The following NRXN1 variants were observed in gnomAD, a reference collection of about 807,000 sequenced individuals.
The protein encoded by NRXN1 is neurexin-1.
In NRXN1, 39 loss-of-function variants were observed where a neutral mutation model predicts 150.9. The ratio of observed to expected loss-of-function variants is 0.26; its 90% confidence interval spans 0.20 to 0.34. The LOEUF (loss-of-function observed/expected upper bound fraction) is 0.34, where lower values mean the gene tolerates loss of function less well. Ranked by LOEUF, NRXN1 falls within the 10% of genes least tolerant of loss-of-function variation. NRXN1 has a pLI of 1.00. For synonymous variants in NRXN1, 924 were observed against 757.0 expected (o/e 1.22, Z -3.62); for missense variants, 1,815 against 1,949.9 (o/e 0.93, Z 1.30).
rs375021809 is a variant in NRXN1 at position 50,628,850 on chromosome 2, GC to G, written c.833-5236del. 2.8e-4 allele frequency among the ~76,000 whole-genome samples: 42 copies of G among 151,486 alleles called. No homozygotes were observed. In the South Asian group the frequency reaches 8.3e-3, roughly 30 times the overall value. ...AACAAAAAACAAAAACGCAACACAAGCCAATGGGAAAAAAATGATAAAGTAG... is the reference window on the plus strand; with the variant it reads ...AACAAAAAACAAAAACGCAACACAAGCAATGGGAAAAAAATGATAAAGTAG... On this transcript the variant is annotated intron_variant, in intron 5 of 22. Transcript: ENST00000401669.
At chr2:50,592,333 C>G (rs1357810056) in intron 8 of NRXN1, among the ~76,000 whole-genome samples, 1 of 152,194 alleles carries the variant, frequency 6.6e-6, no homozygotes, top group Non-Finnish European at 1.5e-5. Context: ...ATCTAAACAG[C>G]CTGAGTAATA....
At chr2:50,911,948 A>G (rs1684583830) in intron 5 of NRXN1, among the ~76,000 whole-genome samples, 1 of 151,766 alleles carries the variant, frequency 6.6e-6, no homozygotes, top group African/African-American at 2.4e-5. Flanking sequence ...ATCTAATAGA[A>G]TAACTACATT....
intron 2 of NRXN1, among the ~76,000 whole-genome samples, chr2:50,964,663 A>T (rs192733910): frequency 1.6e-4 from 24 of 151,532 alleles, no homozygotes; most frequent in Non-Finnish European, 3.3e-4. Context: ...GAATTTGACA[A>T]CTTTTCATTT....
At chr2:50,394,411 G>T (rs1023244575) in intron 17 of NRXN1, among the ~76,000 whole-genome samples, 2 of 152,028 alleles carry the variant, frequency 1.3e-5, no homozygotes, top group Non-Finnish European at 2.9e-5. Context: ...CAAGTCTTCC[G>T]CTAATAACAC....
At chr2:50,305,503 T>A (rs2074534731) in intron 17 of NRXN1, among the ~76,000 whole-genome samples, 1 of 152,164 alleles carries the variant, frequency 6.6e-6, no homozygotes, top group African/African-American at 2.4e-5. Context: ...AAAAATTTTA[T>A]TTGTTAAATT....
intron 18 of NRXN1, among the ~76,000 whole-genome samples, chr2:50,168,025 T>C (rs1219875433): frequency 4.1e-5 from 6 of 146,894 alleles, no homozygotes; most frequent in African/African-American, 5.0e-5. Context: ...TTTGCATTTT[T>C]CCAAAGGTTT....
At chr2:50,419,844 A>G (rs1461667907) in intron 17 of NRXN1, among the ~76,000 whole-genome samples, 3 of 152,022 alleles carry the variant, frequency 2.0e-5, no homozygotes, top group South Asian at 2.1e-4. Flanking sequence ...AAATAGACAC[A>G]CTTCTTTTTG....
intron 5 of NRXN1, among the ~76,000 whole-genome samples, chr2:50,780,306 A>G (rs1559251106): frequency 6.6e-6 from 1 of 152,102 alleles, no homozygotes; most frequent in Non-Finnish European, 1.5e-5. Flanking sequence ...TTGCTTTGTA[A>G]TGTGGTTTTT....
At chr2:50,490,631 A>C (rs934310625) in intron 15 of NRXN1, among the ~76,000 whole-genome samples, 18 of 152,188 alleles carry the variant, frequency 1.2e-4, no homozygotes, top group Non-Finnish European at 4.4e-5. Flanking sequence ...AGACAGAAGA[A>C]GCCAAGATTG....
chr2:49,942,730 C>A (rs1672217766), intron 22 of NRXN1, among the ~76,000 whole-genome samples: 1 of 152,040 alleles, frequency 6.6e-6, no homozygotes. Flanking sequence ...CTGCCTCAGC[C>A]TCCTGAGTAG....
chr2:50,552,837 G>C lies in NRXN1; in HGVS notation c.1509C>G (p.Ser503=). 6.2e-7 allele frequency: 1 copy of C among 1,613,936 alleles called. No individual in the cohort carries two copies. The highest frequency in any genetic ancestry group is 8.5e-7 in the Non-Finnish European group (1 of 1,179,858). ...LPKWNAKKTG[S]ISFDFRTTEP... The stretch of plus-strand genomic sequence containing the variant: ...CTGTTGTACGGAAATCAAATGATAT[G>C]GAGCCAGTTTTCTTTGCATTCCATT... The change falls in exon 9 of 23, where the codon TCC becomes TCG. Residue 503 remains serine, a synonymous_variant. Coordinates refer to ENST00000401669, the MANE Select transcript of NRXN1 (RefSeq NM_001330078.2).
chr2:50,359,434 C>A (rs7567839), intron 17 of NRXN1, among the ~76,000 whole-genome samples: 39,911 of 150,936 alleles, frequency 0.26, 5,648 homozygotes, highest in East Asian at 0.54. Context: ...GGAGCTGAAA[C>A]ACAGAGCACG....
At chr2:50,835,931 T>C (rs1001305735) in intron 5 of NRXN1, among the ~76,000 whole-genome samples, 1 of 152,274 alleles carries the variant, frequency 6.6e-6, no homozygotes, top group East Asian at 1.9e-4. Context: ...TATCAAATCT[T>C]TCTGCATTAA....
chr2:50,758,514 C>T (rs1329979759), intron 5 of NRXN1, among the ~76,000 whole-genome samples: 1 of 151,848 alleles, frequency 6.6e-6, no homozygotes, highest in African/African-American at 2.4e-5. Flanking sequence ...CGCTGTGTTA[C>T]GCAGGCTGGA....
chr2:49,975,087 T>C (rs937657844), intron 21 of NRXN1, among the ~76,000 whole-genome samples: 5 of 150,514 alleles, frequency 3.3e-5, no homozygotes, highest in African/African-American at 1.2e-4. Flanking sequence ...GATGATTATA[T>C]ATAGTTATAT....
rs576303034 is a variant in NRXN1 at position 50,510,333 on chromosome 2, A to G, written c.2375-3716T>C. Among the ~76,000 whole-genome samples the G allele has an allele frequency of 1.4e-3, 209 of 152,002 alleles. 3 individuals are homozygous for G. The highest frequency in any genetic ancestry group is 4.8e-3 in the African/African-American group (197 of 41,472). ...AAACCCTCTCTCTACTAAAAATACA[A>G]AAAATAGCTGGGTGTAGTGGCAGGA... On this transcript the variant is annotated intron_variant, in intron 12 of 22. Transcript: ENST00000401669.
chr2:50,948,445 C>T (rs962660564), intron 2 of NRXN1, among the ~76,000 whole-genome samples: 1 of 152,050 alleles, frequency 6.6e-6, no homozygotes, highest in Non-Finnish European at 1.5e-5. Context: ...TTAAAATATA[C>T]TGTGCAAGGA....
chr2:50,545,185 G>A (rs1229252654), intron 9 of NRXN1, among the ~76,000 whole-genome samples: 1 of 152,022 alleles, frequency 6.6e-6, no homozygotes, highest in Admixed American at 6.6e-5. Context: ...GCCTGAACGT[G>A]TTCACCAAAA....
At chr2:50,429,841 G>A (rs1023449550) in intron 17 of NRXN1, among the ~76,000 whole-genome samples, 3 of 152,174 alleles carry the variant, frequency 2.0e-5, no homozygotes, top group African/African-American at 2.4e-5. Flanking sequence ...AGAGAAGCAC[G>A]GTGATCAGAT....
Sources: allele counts gnomAD v4.1 joint callset (sites outside exome capture counted in the v4.1 genomes callset), GRCh38; gene constraint gnomAD v4.1.1; transcripts MANE v1.5; gene names NCBI Gene and HGNC (gene_info 2026-07-23, HGNC 2026-07-21).